The following DDX10 variants were observed in gnomAD, a reference collection of about 807,000 sequenced individuals.
The protein encoded by DDX10 is probable ATP-dependent RNA helicase DDX10.
DDX10 carries 74 observed loss-of-function variants against 104.3 expected under a neutral mutation model. The ratio of observed to expected loss-of-function variants is 0.71; its 90% confidence interval spans 0.59 to 0.86. The LOEUF is 0.86. DDX10 is among the 40% of genes least tolerant of loss of function. The pLI, the probability that DDX10 is intolerant of heterozygous loss-of-function variation, is 0.00. For missense variants in DDX10, 952 were observed against 1,040.0 expected, an observed-to-expected ratio of 0.92 and a Z score of 1.16; for synonymous variants, 351 against 353.4, an observed-to-expected ratio of 0.99 and a Z score of 0.08.
intron 13 of DDX10, among the ~76,000 whole-genome samples, chr11:108,763,189 G>T (rs752730319): frequency 6.6e-6 from 1 of 152,126 alleles, no homozygotes; most frequent in Non-Finnish European, 1.5e-5. Context: ...TCTTCCTCTG[G>T]TTGCAATTCC....
intron 13 of DDX10, among the ~76,000 whole-genome samples, chr11:108,836,788 C>T (rs369722106): frequency 1.3e-5 from 2 of 152,116 alleles, no homozygotes; most frequent in Admixed American, 6.5e-5. Flanking sequence ...CACACCCGGC[C>T]TTGGTGGTTT....
chr11:108,784,326 T>A (rs1324296405), intron 13 of DDX10, among the ~76,000 whole-genome samples: 10 of 152,176 alleles, frequency 6.6e-5, no homozygotes, highest in Admixed American at 3.9e-4. Context: ...TTGACTTTTT[T>A]AGTAACCTCC....
intron 16 of DDX10, among the ~76,000 whole-genome samples, chr11:108,878,059 A>C (rs2553758): frequency 0.76 from 114,997 of 152,030 alleles, 43,855 homozygotes; most frequent in Admixed American, 0.8. Flanking sequence ...AGGTTTTTTT[A>C]CATCTACTTA....
intron 9 of DDX10, among the ~76,000 whole-genome samples, chr11:108,697,313 TAATTG>T (rs980242747): frequency 1.3e-5 from 2 of 151,002 alleles, no homozygotes; most frequent in Admixed American, 6.6e-5. Context: ...TGAGACTGAA[TAATTG>T]AATTGAATAA....
intron 17 of DDX10, among the ~76,000 whole-genome samples, chr11:108,938,337 C>A (rs1395996512): frequency 1.3e-5 from 2 of 152,164 alleles, no homozygotes; most frequent in East Asian, 3.8e-4. Flanking sequence ...AAATTTTCTA[C>A]CTTTTATTAT....
At chr11:108,904,521 C>T (rs1017957707) in intron 16 of DDX10, among the ~76,000 whole-genome samples, 1 of 152,042 alleles carries the variant, frequency 6.6e-6, no homozygotes, top group Non-Finnish European at 1.5e-5. Context: ...TATTTTTCAC[C>T]AAAGATGAGC....
At chr11:108,770,094 A>G (rs1344954506) in intron 13 of DDX10, among the ~76,000 whole-genome samples, 1 of 152,232 alleles carries the variant, frequency 6.6e-6, no homozygotes, top group African/African-American at 2.4e-5. Context: ...ATCTGGCCTC[A>G]CACAGATTGG....
At chr11:108,896,921 C>CT (rs1204949433) in intron 16 of DDX10, among the ~76,000 whole-genome samples, 3,387 of 143,380 alleles carry the variant, frequency 0.024, 96 homozygotes, top group African/African-American at 0.069. Context: ...AGTAGAAAGA[C>CT]TTTTTTTTTT....
chr11:108,805,539 C>G (rs1203052740), intron 13 of DDX10, among the ~76,000 whole-genome samples: 1 of 152,204 alleles, frequency 6.6e-6, no homozygotes, highest in African/African-American at 2.4e-5. Flanking sequence ...AGTTTAACTT[C>G]AATTTGTTAA....
At chr11:108,908,562 C>G (rs1863627780) in intron 16 of DDX10, among the ~76,000 whole-genome samples, 1 of 152,184 alleles carries the variant, frequency 6.6e-6, no homozygotes. Flanking sequence ...AGATAATTCT[C>G]TGTATTTAGG....
At chr11:108,808,494 T>C (rs957418807) in intron 13 of DDX10, among the ~76,000 whole-genome samples, 2 of 152,190 alleles carry the variant, frequency 1.3e-5, no homozygotes, top group Non-Finnish European at 2.9e-5. Context: ...CATAAAGATG[T>C]TGGCCTTTGA....
intron 13 of DDX10, among the ~76,000 whole-genome samples, chr11:108,814,001 A>C (rs963439286): frequency 2.6e-5 from 4 of 152,080 alleles, no homozygotes; most frequent in Admixed American, 1.3e-4. Context: ...AACTGTTTTT[A>C]TGTTTATTTC....
chr11:108,772,033 A>G (rs1000152819), intron 13 of DDX10, among the ~76,000 whole-genome samples: 4 of 152,236 alleles, frequency 2.6e-5, no homozygotes, highest in Non-Finnish European at 5.9e-5. Flanking sequence ...GCATGTAAAG[A>G]TGGTGCCCAT....
intron 13 of DDX10, among the ~76,000 whole-genome samples, chr11:108,815,869 A>G (rs747934321): frequency 7.2e-5 from 11 of 152,340 alleles, no homozygotes; most frequent in South Asian, 2.1e-4. Flanking sequence ...AGGATGAGGA[A>G]GAGAATTCCT....
intron 13 of DDX10, among the ~76,000 whole-genome samples, chr11:108,813,433 T>TTAC (rs1209113665): frequency 6.6e-6 from 1 of 152,222 alleles, no homozygotes; most frequent in Non-Finnish European, 1.5e-5. Context: ...CTTAATTTTC[T>TTAC]TACTCTTTTT....
intron 13 of DDX10, among the ~76,000 whole-genome samples, chr11:108,796,310 T>C (rs1384341814): frequency 1.3e-5 from 2 of 152,224 alleles, no homozygotes; most frequent in Non-Finnish European, 2.9e-5. Context: ...TGTTCCGTGA[T>C]GACAAAACTC....
chr11:108,888,030 A>C (rs573098146), intron 16 of DDX10, among the ~76,000 whole-genome samples: 33 of 151,848 alleles, frequency 2.2e-4, no homozygotes, highest in Non-Finnish European at 2.6e-4. Context: ...AATGGGTATT[A>C]CTTGTCTGAG....
intron 1 of DDX10, among the ~76,000 whole-genome samples, chr11:108,668,696 T>G (rs562256871): frequency 1.3e-5 from 2 of 152,090 alleles, no homozygotes; most frequent in African/African-American, 2.4e-5. Flanking sequence ...GACAGGCACT[T>G]GTCTAGGCGG....
At chr11:108,802,723 T>C (rs1055868299) in intron 13 of DDX10, among the ~76,000 whole-genome samples, 6 of 152,232 alleles carry the variant, frequency 3.9e-5, no homozygotes, top group African/African-American at 1.2e-4. Flanking sequence ...ACTCTTATTT[T>C]TTTCTGTGTG....
Sources: allele counts gnomAD v4.1 joint callset (sites outside exome capture counted in the v4.1 genomes callset), GRCh38; gene constraint gnomAD v4.1.1; transcripts MANE v1.5; gene names NCBI Gene and HGNC (gene_info 2026-07-23, HGNC 2026-07-21).